The following RNF8 variants were observed in gnomAD, a reference collection of about 807,000 sequenced individuals.
RNF8 encodes ring finger protein 8.
In RNF8, 8 loss-of-function variants were observed where a neutral mutation model predicts 59.3. That is an observed-to-expected ratio of 0.13 (90% CI 0.08 to 0.24). RNF8 has a LOEUF of 0.24. RNF8 is among the 10% of genes least tolerant of loss of function. The pLI is 1.00. For missense variants in RNF8, 406 were observed against 572.6 expected, an observed-to-expected ratio of 0.71 and a Z score of 2.97; for synonymous variants, 162 against 200.0, an observed-to-expected ratio of 0.81 and a Z score of 1.60.
In RNF8 at chr6:37,368,634, A is replaced by G; in HGVS notation, c.391A>G (p.Thr131Ala). ...TGAAGTTACTGAAGAAGACTGGGAGACAATATATCCTTGTCTTTCCCCAAA... is the reference window on the plus strand; with the variant it reads ...TGAAGTTACTGAAGAAGACTGGGAGGCAATATATCCTTGTCTTTCCCCAAA... ...EYEVTEEDWE[T>A]IYPCLSPKND... is the part of the protein sequence containing the mutation. Residue 131 changes from threonine (T) to alanine (A), a missense_variant, in exon 3 of 8, where the codon ACA (threonine) becomes GCA (alanine). Thr to Ala is a moderately conservative substitution (Grantham distance 58, BLOSUM62 0). Coordinates refer to ENST00000373479, the MANE Select transcript of RNF8 (RefSeq NM_003958.4). The G allele has an allele frequency of 1.2e-6, 2 of 1,614,182 alleles. No individual in the cohort carries two copies. Among genetic ancestry groups the G allele is most frequent in the South Asian group, 1.1e-5 (1 of 91,082 alleles).
Position 37,391,081 on chromosome 6 carries a change from T to TA in RNF8, c.*324dup, listed in dbSNP as rs1770714549. ...TTTGTTGTTGTTGTTACTGTTTTGA[T>TA]ACCTCGGAAACACCTCCGTTGACAG... On this transcript the variant is annotated 3_prime_UTR_variant, in exon 8 of 8. Transcript: ENST00000373479. The TA allele has an allele frequency of 2.0e-6, 1 of 510,444 alleles. No individual in the cohort carries two copies. The highest frequency in any genetic ancestry group is 2.5e-5 in the South Asian group (1 of 40,814). The allele number at this position is 510,444 out of a possible 1,614,324, so 31.6% of individuals were successfully genotyped here. A position where few individuals can be genotyped will look rare whatever the true frequency, so the allele number is the denominator to read the frequency against.
intron 2 of RNF8, among the ~76,000 whole-genome samples, chr6:37,366,490 A>G (rs930755674): frequency 2.6e-5 from 4 of 151,964 alleles, no homozygotes; most frequent in Non-Finnish European, 2.9e-5. Context: ...GAGGTTTCCT[A>G]GATGAACCAG....
At position 37,374,684 on chromosome 6, in the gene RNF8, A is replaced by G; in HGVS notation, c.1103A>G (p.Lys368Arg). Residue 368 changes from lysine (K) to arginine (R), a missense_variant, in exon 5 of 8, where the codon AAG (lysine) becomes AGG (arginine). Physicochemically the swap from Lys to Arg is conservative, Grantham distance 26. This residue lies in a region of RNF8 where 285 missense variants were observed against 342.0 expected (regional missense o/e 0.83). Transcript: ENST00000373479. ...GACTTTGAAGCAATCATTCAAGCCA[A>G]GAACAAAGAATTAGAGCAGACCAAG... is the stretch of plus-strand genomic sequence containing the variant. ...KKDFEAIIQA[K>R]NKELEQTKEE... is the part of the protein sequence containing the mutation. 1 of 1,614,144 alleles carries G rather than the reference A, an allele frequency of 6.2e-7. No individual in the cohort carries two copies. The highest frequency in any genetic ancestry group is 1.1e-5 in the South Asian group (1 of 91,078).
chr6:37,392,187 A>T lies in RNF8; in HGVS notation c.*1429A>T. 1 of 335,618 alleles carries T rather than the reference A, an allele frequency of 3.0e-6. No homozygotes were observed. Among genetic ancestry groups the T allele is most frequent in the Non-Finnish European group, 5.3e-6 (1 of 187,218 alleles). The allele number at this position is 335,618 out of a possible 1,614,324, so 20.8% of individuals were successfully genotyped here. ...TACTTACTATAACCACATCATAAGA[A>T]TTCTGGAAAAATAGAGAACAAAAGG... On this transcript the variant is annotated 3_prime_UTR_variant, in exon 8 of 8. Coordinates refer to ENST00000373479, the MANE Select transcript of RNF8 (RefSeq NM_003958.4).
chr6:37,358,450 G>A (rs1211778207), intron 1 of RNF8, among the ~76,000 whole-genome samples: 1 of 152,224 alleles, frequency 6.6e-6, no homozygotes, highest in Non-Finnish European at 1.5e-5. Flanking sequence ...TTTGGACTAA[G>A]GCTGTGGCTG....
At chr6:37,367,703 C>G (rs1432358674) in intron 2 of RNF8, among the ~76,000 whole-genome samples, 1 of 152,190 alleles carries the variant, frequency 6.6e-6, no homozygotes, top group Non-Finnish European at 1.5e-5. Flanking sequence ...CACTCCCAGA[C>G]AGTAAATATT....
intron 6 of RNF8, among the ~76,000 whole-genome samples, chr6:37,378,631 A>G (rs985048449): frequency 5.9e-5 from 9 of 151,342 alleles, no homozygotes; most frequent in Non-Finnish European, 1.3e-4. Context: ...AAAGAAAAAC[A>G]TATACACACA....
intron 5 of RNF8, 32 bp from the exon 6 acceptor site, chr6:37,376,893 TC>T (rs1253231310): frequency 2.6e-6 from 4 of 1,516,660 alleles, no homozygotes; most frequent in Non-Finnish European, 3.7e-6. Context: ...TTGTTGGTTC[TC>T]TGAATGACAG....
At chr6:37,368,337 G>A in intron 2 of RNF8, 147 bp from the exon 3 acceptor site, 1 of 1,586,854 alleles carries the variant, frequency 6.3e-7, no homozygotes, top group Non-Finnish European at 8.5e-7. Flanking sequence ...TGTTTCTAAG[G>A]ATGGTCGTTT....
At chr6:37,373,963 A>G (rs918499316) in intron 4 of RNF8, among the ~76,000 whole-genome samples, 2 of 152,234 alleles carry the variant, frequency 1.3e-5, no homozygotes, top group African/African-American at 2.4e-5. Flanking sequence ...TATGTTTCAT[A>G]TATGTGGAAC....
chr6:37,357,709 A>G (rs1041762181), intron 1 of RNF8, among the ~76,000 whole-genome samples: 2 of 152,232 alleles, frequency 1.3e-5, no homozygotes, highest in Non-Finnish European at 2.9e-5. Flanking sequence ...AAGAGAAACA[A>G]GTGAGACTGT....
intron 4 of RNF8, among the ~76,000 whole-genome samples, 189 bp from the exon 5 acceptor site, chr6:37,374,431 T>A (rs1263814150): frequency 6.6e-6 from 1 of 152,066 alleles, no homozygotes; most frequent in African/African-American, 2.4e-5. Flanking sequence ...CTAACTGCCC[T>A]CTCCCCTGAA....
At chr6:37,387,580 G>C (rs1245816773) in intron 7 of RNF8, among the ~76,000 whole-genome samples, 1 of 152,058 alleles carries the variant, frequency 6.6e-6, no homozygotes, top group Non-Finnish European at 1.5e-5. Flanking sequence ...GGGCTCATAG[G>C]ATCAGCCCAC....
chr6:37,371,598 T>C lies in RNF8; in HGVS notation c.1038+24T>C, dbSNP rs763400114. ...AGGTAACTTTGCCATAGTACTAAGA[T>C]TATAGTGGGCTGTGGAGTGGGGAGC... On this transcript the variant is annotated intron_variant, in intron 4 of 7. Transcript: ENST00000373479. 3 of 1,601,442 alleles carry C rather than the reference T, an allele frequency of 1.9e-6. No individual in the cohort carries two copies. In the South Asian group the frequency reaches 3.3e-5, roughly 18 times the overall value.
At chr6:37,365,945 G>A (rs755961854) in intron 2 of RNF8, among the ~76,000 whole-genome samples, 14 of 152,200 alleles carry the variant, frequency 9.2e-5, no homozygotes, top group Non-Finnish European at 2.1e-4. Context: ...ACCACTAGAT[G>A]TCACCAAGAA....
intron 2 of RNF8, among the ~76,000 whole-genome samples, chr6:37,364,485 C>T (rs959849869): frequency 9.2e-5 from 14 of 152,054 alleles, no homozygotes; most frequent in South Asian, 2.1e-4. Flanking sequence ...TTGCATGTTC[C>T]GCTTTAGTAA....
At chr6:37,371,645 TG>T in intron 4 of RNF8, 71 bp downstream of exon 4, 3 of 1,257,792 alleles carry the variant, frequency 2.4e-6, no homozygotes, top group Non-Finnish European at 3.5e-6. Context: ...ACATGACCAC[TG>T]GCTGCCTCTG....
chr6:37,376,061 G>A (rs1024874942), intron 5 of RNF8, among the ~76,000 whole-genome samples: 1 of 152,182 alleles, frequency 6.6e-6, no homozygotes, highest in Non-Finnish European at 1.5e-5. Flanking sequence ...CTCCAGAGGT[G>A]TACCTTACTT....
intron 4 of RNF8, among the ~76,000 whole-genome samples, chr6:37,374,199 G>T (rs1769922245): frequency 6.6e-6 from 1 of 152,120 alleles, no homozygotes; most frequent in Non-Finnish European, 1.5e-5. Flanking sequence ...GCTGCTTCCA[G>T]TTCTGAATAG....
Sources: gnomAD v4.1 joint callset for allele counts (sites outside exome capture counted in the v4.1 genomes callset) on GRCh38, gnomAD v4.1.1 for gene constraint, gnomAD v4.1.1 regional missense constraint, MANE v1.5 for transcripts, NCBI Gene and HGNC (gene_info 2026-07-23, HGNC 2026-07-21) for gene names.